Variants in ESYT2 observed in about 807,000 individuals in gnomAD.
ESYT2 encodes extended synaptotagmin 2, also known as extended synaptotagmin-2.
ESYT2 carries 54 observed loss-of-function variants against 107.2 expected under a neutral mutation model. The ratio of observed to expected loss-of-function variants is 0.50; its 90% CI spans 0.40 to 0.63. ESYT2 has a LOEUF of 0.63. ESYT2 is among the 30% of genes least tolerant of loss of function. ESYT2 has a pLI of 0.00. For missense variants in ESYT2, 1,020 were observed against 1,094.5 expected, an observed-to-expected ratio of 0.93 and a Z score of 0.96; for synonymous variants, 491 against 434.1, an observed-to-expected ratio of 1.13 and a Z score of -1.63.
At chr7:158,778,500 T>TA (rs1026718631) in intron 6 of ESYT2, among the ~76,000 whole-genome samples, 11 of 151,768 alleles carry the variant, frequency 7.2e-5, no homozygotes, top group African/African-American at 2.7e-4. Flanking sequence ...TGCAGGCTAT[T>TA]AAAAAAATGT....
At chr7:158,748,690 G>A (rs1321860002) in intron 15 of ESYT2, among the ~76,000 whole-genome samples, 5 of 151,866 alleles carry the variant, frequency 3.3e-5, no homozygotes, top group Admixed American at 2.0e-4. Flanking sequence ...CTGTAACTTC[G>A]GGCAATTTCT....
chr7:158,794,894 A>G (rs1481019199), intron 3 of ESYT2, among the ~76,000 whole-genome samples: 1 of 152,232 alleles, frequency 6.6e-6, no homozygotes, highest in Non-Finnish European at 1.5e-5. Context: ...TTTACTTGAA[A>G]GTCTAGCCAC....
intron 6 of ESYT2, among the ~76,000 whole-genome samples, chr7:158,784,651 A>ACACG (rs1333079216): frequency 6.6e-6 from 1 of 152,250 alleles, no homozygotes; most frequent in East Asian, 1.9e-4. Context: ...AGTCCCCTGT[A>ACACG]CACGTCATGA....
intron 3 of ESYT2, among the ~76,000 whole-genome samples, chr7:158,795,054 C>T (rs1025444991): frequency 2.6e-5 from 4 of 152,166 alleles, no homozygotes; most frequent in African/African-American, 4.8e-5. Context: ...CCCCAAATGA[C>T]GTGGAGATGA....
At chr7:158,828,726 G>C (rs1315637598) in intron 1 of ESYT2, among the ~76,000 whole-genome samples, 1 of 152,196 alleles carries the variant, frequency 6.6e-6, no homozygotes, top group South Asian at 2.1e-4. Flanking sequence ...GCCCCAGGCG[G>C]ACAGGTTCGC....
intron 6 of ESYT2, among the ~76,000 whole-genome samples, chr7:158,783,597 C>T (rs1459965250): frequency 6.6e-6 from 1 of 152,210 alleles, no homozygotes; most frequent in Non-Finnish European, 1.5e-5. Context: ...CAGCGTGAAA[C>T]CCCTCCTTCG....
At chr7:158,825,272 AAC>A (rs1472546932) in intron 1 of ESYT2, among the ~76,000 whole-genome samples, 1 of 152,208 alleles carries the variant, frequency 6.6e-6, no homozygotes, top group Non-Finnish European at 1.5e-5. Flanking sequence ...CATCCTGGGC[AAC>A]AGAGTGAGAC....
At chr7:158,772,307 T>G (rs1204759919) in intron 7 of ESYT2, among the ~76,000 whole-genome samples, 1 of 152,162 alleles carries the variant, frequency 6.6e-6, no homozygotes, top group Admixed American at 6.5e-5. Context: ...AAAAAGGACT[T>G]TCATGATGAC....
chr7:158,782,792 G>T (rs1221698540), intron 6 of ESYT2, among the ~76,000 whole-genome samples: 1 of 152,220 alleles, frequency 6.6e-6, no homozygotes, highest in African/African-American at 2.4e-5. Flanking sequence ...GAACAAATGT[G>T]AGAATGAAAC....
At chr7:158,790,683 T>C (rs1366825680) in intron 4 of ESYT2, among the ~76,000 whole-genome samples, 4 of 152,170 alleles carry the variant, frequency 2.6e-5, no homozygotes, top group Non-Finnish European at 5.9e-5. Context: ...TCCTAGCACT[T>C]TGGGAGGCCG....
chr7:158,766,712 T>C (rs1383516417), intron 8 of ESYT2, among the ~76,000 whole-genome samples: 2 of 152,062 alleles, frequency 1.3e-5, no homozygotes, highest in South Asian at 2.1e-4. Context: ...AAACAACATA[T>C]CCACTGAAAC....
At chr7:158,736,608 TTA>T (rs370435864) in intron 20 of ESYT2, among the ~76,000 whole-genome samples, 1,717 of 152,102 alleles carry the variant, frequency 0.011, 28 homozygotes, top group African/African-American at 0.039. Context: ...ATTCTTTTCA[TTA>T]TGTTTTTTAT....
chr7:158,745,693 A>T (rs1837378863), intron 16 of ESYT2, among the ~76,000 whole-genome samples: 1 of 89,542 alleles, frequency 1.1e-5, no homozygotes, highest in Admixed American at 9.8e-5. Context: ...TAGAAAGATT[A>T]AAAAAAAATC....
intron 20 of ESYT2, among the ~76,000 whole-genome samples, chr7:158,736,056 GAGA>G (rs1429720647): frequency 1.3e-5 from 2 of 152,212 alleles, no homozygotes; most frequent in African/African-American, 4.8e-5. Context: ...TCGCAGGAGG[GAGA>G]AGGCCTCCAA....
chr7:158,779,445 C>T (rs189298009), intron 6 of ESYT2, among the ~76,000 whole-genome samples: 32 of 152,236 alleles, frequency 2.1e-4, no homozygotes, highest in Admixed American at 7.8e-4. Context: ...TAAAACTAGG[C>T]TAAAAAGTGG....
intron 21 of ESYT2, among the ~76,000 whole-genome samples, chr7:158,734,967 C>T (rs1836875016): frequency 6.6e-6 from 1 of 152,178 alleles, no homozygotes; most frequent in Admixed American, 6.5e-5. Context: ...TCGCTGAATA[C>T]ATCTAAGAAA....
At chr7:158,796,406 A>G (rs1047837585) in intron 3 of ESYT2, among the ~76,000 whole-genome samples, 4 of 151,970 alleles carry the variant, frequency 2.6e-5, no homozygotes, top group African/African-American at 9.7e-5. Flanking sequence ...CACTTACGTA[A>G]TGAATGTTGT....
At chr7:158,798,558 A>C (rs1839538807) in intron 2 of ESYT2, among the ~76,000 whole-genome samples, 1 of 149,776 alleles carries the variant, frequency 6.7e-6, no homozygotes, top group Non-Finnish European at 1.5e-5. Context: ...AGGCAGGAGA[A>C]TCACTTGAAC....
intron 6 of ESYT2, among the ~76,000 whole-genome samples, chr7:158,782,417 TGAGAACAAAGTGAGGTGTGAGTGTA>T (rs1838919081): frequency 6.7e-6 from 1 of 149,280 alleles, no homozygotes. Flanking sequence ...TGAACGAGTG[TGAGAACAAAGTGAGGTGTGAGTGTA>T]AGAACGAGAA....
Sources: allele counts gnomAD v4.1 joint callset (sites outside exome capture counted in the v4.1 genomes callset), GRCh38; gene constraint gnomAD v4.1.1; transcripts MANE v1.5; gene names NCBI Gene and HGNC (gene_info 2026-07-23, HGNC 2026-07-21).